FAM107B: variants seen among roughly 807,000 people sequenced by gnomAD.
FAM107B encodes the protein protein FAM107B.
In FAM107B, 21 loss-of-function variants were observed where a neutral mutation model predicts 31.5. The observed-to-expected ratio is 0.67, with a 90% confidence interval of 0.47 to 0.96. The LOEUF is 0.96. Ranked by LOEUF, FAM107B falls within the 40% of genes least tolerant of loss-of-function variation. The pLI, the probability that FAM107B is intolerant of heterozygous loss-of-function variation, is 0.00. For synonymous variants in FAM107B, 157 were observed against 141.5 expected (o/e 1.11, Z -0.78); for missense variants, 452 against 377.1 (o/e 1.20, Z -1.64).
chr10:14,694,941 G>A (rs7081951), intron 1 of FAM107B, among the ~76,000 whole-genome samples: 2 of 152,054 alleles, frequency 1.3e-5, no homozygotes, highest in Admixed American at 1.3e-4. Flanking sequence ...TTTTCCCAAT[G>A]TATAGGTTGC....
chr10:14,653,472 G>A (rs1853954487), intron 2 of FAM107B, among the ~76,000 whole-genome samples: 1 of 152,202 alleles, frequency 6.6e-6, no homozygotes, highest in South Asian at 2.1e-4. Flanking sequence ...CCTCTCAGGA[G>A]CACACAGTGG....
At position 14,521,187 on chromosome 10, in the gene FAM107B, A is replaced by G. The variant is rs762882314; in HGVS notation, c.*3T>C. ...ACACACGAGGTCTTGGTGCAGCCTC[A>G]GCCTAGGACTCCTGGGCTTGGGCGA... is the stretch of plus-strand genomic sequence containing the variant. On this transcript the variant is annotated 3_prime_UTR_variant, in exon 5 of 5. Transcript: ENST00000181796. 1.2e-6 allele frequency: 2 copies of G among 1,612,974 alleles called. No individual in the cohort carries two copies. Among genetic ancestry groups the G allele is most frequent in the Admixed American group, 3.3e-5 (2 of 59,956 alleles).
chr10:14,730,436 T>A (rs1254685398), intron 1 of FAM107B, among the ~76,000 whole-genome samples: 2 of 152,034 alleles, frequency 1.3e-5, no homozygotes, highest in African/African-American at 4.8e-5. Context: ...GATAAAGGTG[T>A]CAGGGCAATT....
intron 2 of FAM107B, among the ~76,000 whole-genome samples, chr10:14,532,056 C>T (rs1588492982): frequency 6.6e-6 from 1 of 152,210 alleles, no homozygotes; most frequent in African/African-American, 2.4e-5. Flanking sequence ...TCCTTTACTG[C>T]TAATCCTTCA....
At chr10:14,591,911 G>T (rs1437731854) in intron 2 of FAM107B, among the ~76,000 whole-genome samples, 1 of 151,774 alleles carries the variant, frequency 6.6e-6, no homozygotes, top group East Asian at 1.9e-4. Context: ...CGGAACAAGT[G>T]ACCTGATTCC....
At chr10:14,650,589 C>G (rs772777020) in intron 2 of FAM107B, among the ~76,000 whole-genome samples, 1 of 152,026 alleles carries the variant, frequency 6.6e-6, no homozygotes, top group East Asian at 1.9e-4. Flanking sequence ...CCCGGCCTCT[C>G]GATACTTATT....
intron 2 of FAM107B, among the ~76,000 whole-genome samples, chr10:14,538,283 T>C (rs922737980): frequency 9.9e-5 from 15 of 152,174 alleles, no homozygotes; most frequent in African/African-American, 3.6e-4. Flanking sequence ...GGCAGGCCAT[T>C]CATAATAGTC....
chr10:14,644,024 TA>T (rs141239227), intron 2 of FAM107B, among the ~76,000 whole-genome samples: 3,799 of 152,316 alleles, frequency 0.025, 147 homozygotes, highest in African/African-American at 0.085. Flanking sequence ...GGAAATTGCC[TA>T]ATGATACCAG....
At chr10:14,555,979 A>G (rs1849666257) in intron 2 of FAM107B, 1 of 151,512 alleles carries the variant, frequency 6.6e-6, no homozygotes, top group Non-Finnish European at 1.5e-5. Flanking sequence ...CACACACCCC[A>G]CCCCCAAAAG....
At chr10:14,604,177 C>T in intron 2 of FAM107B, 1 of 970,134 alleles carries the variant, frequency 1.0e-6, no homozygotes, top group Non-Finnish European at 1.2e-6. Flanking sequence ...CGGGCAGGGC[C>T]GCCGCCCGCC....
At chr10:14,567,503 T>G (rs1439184158) in intron 2 of FAM107B, among the ~76,000 whole-genome samples, 2 of 151,974 alleles carry the variant, frequency 1.3e-5, no homozygotes, top group African/African-American at 4.8e-5. Flanking sequence ...TTCCAGGCAG[T>G]GTTGAGGCCC....
chr10:14,642,635 G>C (rs1197662486), intron 2 of FAM107B, among the ~76,000 whole-genome samples: 1 of 152,066 alleles, frequency 6.6e-6, no homozygotes, highest in East Asian at 1.9e-4. Context: ...AATATGGATA[G>C]ATGAAGTATT....
At chr10:14,522,265 T>C in intron 3 of FAM107B, 1 of 502,798 alleles carries the variant, frequency 2.0e-6, no homozygotes, top group Non-Finnish European at 3.5e-6. Flanking sequence ...CCACGTGCCA[T>C]GTGCAAGACA....
At chr10:14,707,285 G>C (rs1291913367) in intron 1 of FAM107B, among the ~76,000 whole-genome samples, 3 of 152,182 alleles carry the variant, frequency 2.0e-5, no homozygotes, top group Admixed American at 6.6e-5. Flanking sequence ...GATTCAATCA[G>C]TGCCACCTCC....
At chr10:14,770,472 G>A (rs901990622) in intron 1 of FAM107B, among the ~76,000 whole-genome samples, 7 of 152,014 alleles carry the variant, frequency 4.6e-5, no homozygotes, top group African/African-American at 1.2e-4. Context: ...GCAGTGAGCC[G>A]AGATCGCACC....
intron 2 of FAM107B, among the ~76,000 whole-genome samples, chr10:14,565,151 C>G (rs1368209321): frequency 6.6e-6 from 1 of 152,224 alleles, no homozygotes; most frequent in Non-Finnish European, 1.5e-5. Context: ...TTGTGCCAGG[C>G]ATATGTCTTG....
At chr10:14,695,728 C>T (rs1212141945) in intron 1 of FAM107B, among the ~76,000 whole-genome samples, 2 of 152,160 alleles carry the variant, frequency 1.3e-5, no homozygotes, top group African/African-American at 4.8e-5. Flanking sequence ...TTCCTAAGTA[C>T]TTTCTTGATG....
intron 1 of FAM107B, among the ~76,000 whole-genome samples, chr10:14,754,553 C>A (rs79056114): frequency 0.059 from 8,907 of 152,254 alleles, 563 homozygotes; most frequent in African/African-American, 0.15. Flanking sequence ...CTAAAACCCT[C>A]AGAACTACTG....
chr10:14,694,694 T>C (rs1855225183), intron 1 of FAM107B, among the ~76,000 whole-genome samples: 1 of 152,158 alleles, frequency 6.6e-6, no homozygotes, highest in Non-Finnish European at 1.5e-5. Flanking sequence ...TTTTTGATAA[T>C]TGCCATCTTA....
Sources: allele counts gnomAD v4.1 joint callset (sites outside exome capture counted in the v4.1 genomes callset), GRCh38; gene constraint gnomAD v4.1.1; transcripts MANE v1.5; gene names NCBI Gene and HGNC (gene_info 2026-07-23, HGNC 2026-07-21).